PHACTR4: variants seen among roughly 807,000 people sequenced by gnomAD.
PHACTR4 encodes phosphatase and actin regulator 4, also known as protein phosphatase 1, regulatory subunit 124.
A neutral mutation model predicts 72.7 loss-of-function variants in PHACTR4; 51 were observed. The observed-to-expected ratio is 0.70, with a 90% CI of 0.56 to 0.89. The LOEUF (loss-of-function observed/expected upper bound fraction) is 0.89, where lower values mean the gene tolerates loss of function less well. Ranked by LOEUF, PHACTR4 falls within the 40% of genes least tolerant of loss-of-function variation. The pLI is 0.00. For missense variants in PHACTR4, 731 were observed against 861.8 expected (o/e 0.85, Z 1.90); for synonymous variants, 255 against 302.5 (o/e 0.84, Z 1.63).
chr1:28,425,724 TTCTC>T (rs1244899956), intron 2 of PHACTR4, among the ~76,000 whole-genome samples: 4 of 152,216 alleles, frequency 2.6e-5, no homozygotes, highest in African/African-American at 4.8e-5. Context: ...TCAGGTTTCT[TTCTC>T]ACTCACTTAA....
intron 1 of PHACTR4, among the ~76,000 whole-genome samples, chr1:28,392,949 C>G (rs1055252713): frequency 2.6e-5 from 4 of 152,110 alleles, no homozygotes; most frequent in Non-Finnish European, 5.9e-5. Flanking sequence ...ACAGTAAGTT[C>G]CTAGTGAAGA....
At position 28,489,210 on chromosome 1, in the gene PHACTR4, C is replaced by T. The variant is rs1281221883; in HGVS notation, c.1801C>T (p.Arg601Cys). 1.2e-6 allele frequency: 2 copies of T among 1,612,150 alleles called. No individual in the cohort carries two copies. The highest frequency in any genetic ancestry group is 1.7e-6 in the Non-Finnish European group (2 of 1,178,764). ...ACCAACACCAGAAGAACTAGAACAA[C>T]GCAATATATTGCAACGTGAGTCCAG... ...QRPTPEELEQ[R>C]NILQPKNEAD... The change falls in exon 10 of 14, where the codon CGC (arginine) becomes TGC (cysteine). Residue 601 changes from arginine to cysteine, a missense_variant. By Grantham distance (180) the Arg-to-Cys change is radical (BLOSUM62 -3). This residue lies in a region of PHACTR4 where 110 missense variants were observed against 185.2 expected (regional missense o/e 0.59). Coordinates refer to ENST00000373839, the MANE Select transcript of PHACTR4 (RefSeq NM_001048183.3).
chr1:28,480,339 G>A (rs1660200630), intron 8 of PHACTR4, 112 bp from the exon 9 acceptor site: 7 of 1,249,944 alleles, frequency 5.6e-6, no homozygotes, highest in Non-Finnish European at 7.7e-6. Context: ...GGCCAGGTGG[G>A]AACTGGGAAT....
At chr1:28,475,267 C>A (rs1430765430) in intron 7 of PHACTR4, among the ~76,000 whole-genome samples, 1 of 151,768 alleles carries the variant, frequency 6.6e-6, no homozygotes, top group Non-Finnish European at 1.5e-5. Context: ...TGATTTTTTA[C>A]TCTTGTGATT....
chr1:28,453,979 G>T (rs1198969000), intron 2 of PHACTR4: 1 of 505,766 alleles, frequency 2.0e-6, no homozygotes, highest in Non-Finnish European at 3.7e-6. Flanking sequence ...ACTTTGGAAG[G>T]CCAAGGTGGG....
intron 8 of PHACTR4, among the ~76,000 whole-genome samples, chr1:28,480,008 T>A (rs1660181792): frequency 6.6e-6 from 1 of 152,248 alleles, no homozygotes; most frequent in Non-Finnish European, 1.5e-5. Context: ...ATGAACTTAT[T>A]GCCACAGGGC....
chr1:28,384,069 T>G (rs1652385335), intron 1 of PHACTR4, among the ~76,000 whole-genome samples: 1 of 152,172 alleles, frequency 6.6e-6, no homozygotes, highest in Admixed American at 6.6e-5. Flanking sequence ...TTGCCAGTAT[T>G]TTGTTGAGGA....
At chr1:28,483,401 C>T (rs1474584552) in intron 9 of PHACTR4, among the ~76,000 whole-genome samples, 2 of 151,560 alleles carry the variant, frequency 1.3e-5, no homozygotes, top group East Asian at 3.9e-4. Context: ...GAGCTGTGCT[C>T]ATGCCCCACT....
intron 1 of PHACTR4, among the ~76,000 whole-genome samples, chr1:28,386,116 CAG>C (rs1297929395): frequency 2.0e-5 from 3 of 152,102 alleles, no homozygotes; most frequent in African/African-American, 7.2e-5. Flanking sequence ...TTTTCTGAGA[CAG>C]AGTCTTGGTG....
chr1:28,474,613 G>A (rs1012545423), intron 7 of PHACTR4, among the ~76,000 whole-genome samples: 5 of 150,154 alleles, frequency 3.3e-5, no homozygotes, highest in South Asian at 4.2e-4. Flanking sequence ...CACGATCTCC[G>A]CTCACTGTAA....
chr1:28,487,727 G>GTTTTTTTT lies in PHACTR4; in HGVS notation c.1761-1424_1761-1417dup, dbSNP rs780028378. Among the ~76,000 whole-genome samples the GTTTTTTTT allele has an allele frequency of 9.8e-4, 62 of 63,304 alleles. 2 individuals carry two copies. Among genetic ancestry groups the GTTTTTTTT allele is most frequent in the African/African-American group, 2.7e-3 (49 of 17,968 alleles). The allele number at this position is 63,304 out of a possible 152,430, so 41.5% of individuals were successfully genotyped here. The stretch of plus-strand genomic sequence containing the variant: ...AAATGACAAATTGTAGTTTTTTGTT[G>GTTTTTTTT]TTTTTTTTTTTTTTTTTTTTTTTTT... On this transcript the variant is annotated intron_variant, in intron 9 of 13. Coordinates refer to ENST00000373839, the MANE Select transcript of PHACTR4 (RefSeq NM_001048183.3).
At chr1:28,429,498 G>A (rs1423388646) in intron 2 of PHACTR4, among the ~76,000 whole-genome samples, 11 of 152,178 alleles carry the variant, frequency 7.2e-5, no homozygotes, top group African/African-American at 2.7e-4. Flanking sequence ...AAGAAATGTA[G>A]AGATGATGGG....
intron 2 of PHACTR4, among the ~76,000 whole-genome samples, chr1:28,419,545 C>T (rs770360983): frequency 4.6e-5 from 7 of 151,772 alleles, no homozygotes; most frequent in African/African-American, 1.2e-4. Flanking sequence ...TGGGTTCAAG[C>T]GATTCTCCTG....
chr1:28,490,513 C>G (rs1331728363), intron 10 of PHACTR4, among the ~76,000 whole-genome samples: 1 of 135,982 alleles, frequency 7.4e-6, no homozygotes, highest in Non-Finnish European at 1.6e-5. Context: ...GCATGGGCGA[C>G]AAAGCAAGAC....
chr1:28,443,484 G>T (rs1657201365), intron 2 of PHACTR4, among the ~76,000 whole-genome samples: 2 of 150,516 alleles, frequency 1.3e-5, no homozygotes, highest in South Asian at 2.1e-4. Context: ...ATCCCACTCT[G>T]TCACCCAGGC....
At chr1:28,470,920 G>C (rs1021775973) in intron 6 of PHACTR4, among the ~76,000 whole-genome samples, 2 of 151,752 alleles carry the variant, frequency 1.3e-5, no homozygotes. Context: ...AGCTACTTGG[G>C]AGGCTGTAGC....
At chr1:28,402,441 T>C (rs1654011360) in intron 1 of PHACTR4, among the ~76,000 whole-genome samples, 2 of 152,094 alleles carry the variant, frequency 1.3e-5, no homozygotes, top group South Asian at 4.1e-4. Context: ...CATCAGTGTA[T>C]ATAGGGGGTA....
At chr1:28,468,754 C>T (rs542853736) in intron 6 of PHACTR4, among the ~76,000 whole-genome samples, 1 of 152,228 alleles carries the variant, frequency 6.6e-6, no homozygotes, top group Non-Finnish European at 1.5e-5. Context: ...GGACACTACC[C>T]GTAGAGTTTC....
At chr1:28,437,746 C>T (rs1427796709) in intron 2 of PHACTR4, among the ~76,000 whole-genome samples, 1 of 152,110 alleles carries the variant, frequency 6.6e-6, no homozygotes, top group Non-Finnish European at 1.5e-5. Context: ...AATTATCTCC[C>T]AAAGAACCCA....
Sources: allele counts gnomAD v4.1 joint callset (sites outside exome capture counted in the v4.1 genomes callset), GRCh38; gene constraint gnomAD v4.1.1; regional missense constraint gnomAD v4.1.1; transcripts MANE v1.5; gene names NCBI Gene and HGNC (gene_info 2026-07-23, HGNC 2026-07-21).